SPOCK3: variants seen among roughly 807,000 people sequenced by gnomAD.
SPOCK3 encodes testican-3.
A neutral mutation model predicts 56.6 loss-of-function variants in SPOCK3; 30 were observed. The observed-to-expected ratio is 0.53, with a 90% confidence interval of 0.40 to 0.72. The LOEUF (loss-of-function observed/expected upper bound fraction) is 0.72. SPOCK3 is among the 30% of genes least tolerant of loss of function. The probability of loss-of-function intolerance (pLI) is 0.00; values close to 1 mark genes in which losing one functional copy is unlikely to be tolerated. For missense variants in SPOCK3, 527 were observed against 530.0 expected (o/e 0.99, Z 0.06); for synonymous variants, 196 against 183.3 (o/e 1.07, Z -0.56).
intron 6 of SPOCK3, among the ~76,000 whole-genome samples, chr4:166,858,982 T>A (rs911884126): frequency 8.5e-5 from 13 of 152,100 alleles, no homozygotes; most frequent in African/African-American, 2.7e-4. Context: ...AGCTGAAAAA[T>A]TTGTATCCCC....
intron 3 of SPOCK3, among the ~76,000 whole-genome samples, chr4:167,049,779 T>C (rs940670223): frequency 1.3e-5 from 2 of 152,176 alleles, no homozygotes; most frequent in African/African-American, 4.8e-5. Context: ...ATATCCTCTC[T>C]TGTGGAACAA....
At chr4:166,884,350 T>TCAA (rs1364538955) in intron 6 of SPOCK3, among the ~76,000 whole-genome samples, 3 of 147,262 alleles carry the variant, frequency 2.0e-5, no homozygotes, top group East Asian at 2.0e-4. Context: ...AGACTCCATC[T>TCAA]CAACAACAAC....
At chr4:166,999,848 G>A (rs530787949) in intron 4 of SPOCK3, among the ~76,000 whole-genome samples, 22 of 151,986 alleles carry the variant, frequency 1.4e-4, no homozygotes, top group Admixed American at 3.9e-4. Flanking sequence ...AGCATCCACC[G>A]AATAGATACA....
intron 2 of SPOCK3, among the ~76,000 whole-genome samples, chr4:167,167,392 A>C (rs769792618): frequency 6.6e-6 from 1 of 152,202 alleles, no homozygotes; most frequent in Non-Finnish European, 1.5e-5. Flanking sequence ...ATTCCTAATT[A>C]TAAGACATGA....
intron 4 of SPOCK3, among the ~76,000 whole-genome samples, chr4:166,936,531 T>G (rs1236203910): frequency 6.6e-6 from 1 of 152,058 alleles, no homozygotes; most frequent in Non-Finnish European, 1.5e-5. Context: ...CCCTTAGGAT[T>G]TTTTTAATGT....
At chr4:167,039,787 T>G (rs1304986362) in intron 3 of SPOCK3, among the ~76,000 whole-genome samples, 1 of 152,182 alleles carries the variant, frequency 6.6e-6, no homozygotes, top group Non-Finnish European at 1.5e-5. Context: ...TTTAAATGTA[T>G]AGCGAAAACA....
intron 3 of SPOCK3, among the ~76,000 whole-genome samples, chr4:167,011,589 G>T (rs765091850): frequency 6.6e-6 from 1 of 152,074 alleles, no homozygotes; most frequent in Non-Finnish European, 1.5e-5. Flanking sequence ...GATCAATGTT[G>T]TTAAAATATA....
intron 3 of SPOCK3, among the ~76,000 whole-genome samples, chr4:167,029,127 T>G (rs1230836885): frequency 1.3e-5 from 2 of 152,006 alleles, no homozygotes; most frequent in Admixed American, 1.3e-4. Context: ...AGTCCATGTA[T>G]TCTCATCATG....
rs1279626919 is a variant in SPOCK3, at chr4:167,103,696, C to G, written c.190-41159G>C. 3.9e-5 allele frequency among the ~76,000 whole-genome samples: 6 copies of G among 152,320 alleles called. No homozygotes were observed. In the South Asian group the frequency reaches 1.2e-3, roughly 32 times the overall value. On this transcript the variant is annotated intron_variant, in intron 2 of 10. Coordinates refer to ENST00000357545, the MANE Select transcript of SPOCK3 (RefSeq NM_001040159.2). ...TCTGAAGGGAAGGACACAAGCCTAG[C>G]TGGCTTCACCACCTGCAGATAGTAG...
chr4:167,108,444 T>A (rs1284253507), intron 2 of SPOCK3, among the ~76,000 whole-genome samples: 1 of 151,854 alleles, frequency 6.6e-6, no homozygotes, highest in Non-Finnish European at 1.5e-5. Flanking sequence ...GAAAATGTGG[T>A]AAATATACAC....
chr4:167,056,741 G>T (rs1171319662), intron 3 of SPOCK3, among the ~76,000 whole-genome samples: 6 of 151,838 alleles, frequency 4.0e-5, no homozygotes, highest in Admixed American at 3.9e-4. Flanking sequence ...AGAGAAAAAA[G>T]AATAAAAAGA....
chr4:166,981,633 G>A (rs867818134), intron 4 of SPOCK3, among the ~76,000 whole-genome samples: 4 of 152,108 alleles, frequency 2.6e-5, no homozygotes, highest in East Asian at 3.9e-4. Context: ...CATAATTCTC[G>A]CTCCTGTCCA....
chr4:166,794,672 C>T (rs138707779), intron 6 of SPOCK3, among the ~76,000 whole-genome samples: 6,705 of 111,658 alleles, frequency 0.06, 211 homozygotes, highest in Middle Eastern at 0.13. Flanking sequence ...GACAGAGTTT[C>T]GCTCTTGTTG....
intron 2 of SPOCK3, among the ~76,000 whole-genome samples, chr4:167,067,415 TG>T: frequency 6.6e-6 from 1 of 151,968 alleles, no homozygotes; most frequent in Admixed American, 6.6e-5. Flanking sequence ...ATAATGCTTT[TG>T]AAGACACACT....
At chr4:166,826,000 A>G (rs547753616) in intron 6 of SPOCK3, among the ~76,000 whole-genome samples, 1 of 152,132 alleles carries the variant, frequency 6.6e-6, no homozygotes, top group Admixed American at 6.6e-5. Flanking sequence ...TAAATAACTT[A>G]TCCATGTAAC....
chr4:166,738,250 G>GTC (rs1318608064), intron 9 of SPOCK3, among the ~76,000 whole-genome samples: 1 of 151,980 alleles, frequency 6.6e-6, no homozygotes, highest in African/African-American at 2.4e-5. Flanking sequence ...GTGTGTGTGT[G>GTC]TGTGTTGACT....
intron 8 of SPOCK3, among the ~76,000 whole-genome samples, chr4:166,749,628 A>C (rs1229056870): frequency 5.9e-5 from 9 of 152,090 alleles, no homozygotes; most frequent in Non-Finnish European, 1.2e-4. Context: ...CTAGAACTTA[A>C]AGTATGATAA....
intron 2 of SPOCK3, among the ~76,000 whole-genome samples, chr4:167,154,392 C>A (rs950841253): frequency 6.6e-6 from 1 of 151,952 alleles, no homozygotes. Context: ...CAGCGCAAAG[C>A]ATACATGCAG....
At chr4:166,842,217 C>T (rs1026739979) in intron 6 of SPOCK3, among the ~76,000 whole-genome samples, 2 of 152,186 alleles carry the variant, frequency 1.3e-5, no homozygotes, top group African/African-American at 4.8e-5. Flanking sequence ...AAAGCTTCCA[C>T]GGTGAGGAAG....
Sources: gnomAD v4.1 joint callset for allele counts (sites outside exome capture counted in the v4.1 genomes callset) on GRCh38, gnomAD v4.1.1 for gene constraint, MANE v1.5 for transcripts, NCBI Gene and HGNC (gene_info 2026-07-23, HGNC 2026-07-21) for gene names.